Variants in DTNA observed in about 807,000 individuals in gnomAD.
DTNA encodes dystrobrevin alpha.
In DTNA, 43 loss-of-function variants were observed where a neutral mutation model predicts 100.7. The observed-to-expected ratio is 0.43, with a 90% CI of 0.33 to 0.55. The LOEUF is 0.55. DTNA is among the 20% of genes least tolerant of loss of function. The pLI, the probability that DTNA is intolerant of heterozygous loss-of-function variation, is 0.04. For missense variants in DTNA, 798 were observed against 953.9 expected, an observed-to-expected ratio of 0.84 and a Z score of 2.15; for synonymous variants, 349 against 347.9, an observed-to-expected ratio of 1.00 and a Z score of -0.04.
intron 1 of DTNA, among the ~76,000 whole-genome samples, chr18:34,716,294 G>A (rs1012555513): frequency 1.3e-5 from 2 of 152,154 alleles, no homozygotes; most frequent in African/African-American, 4.8e-5. Context: ...GGGCACCGTG[G>A]CTCACACCTG....
intron 18 of DTNA, among the ~76,000 whole-genome samples, chr18:34,876,845 CCTTCT>C (rs1336463259): frequency 2.0e-5 from 3 of 151,942 alleles, no homozygotes; most frequent in Admixed American, 6.6e-5. Flanking sequence ...AGAAAATATC[CCTTCT>C]CTTAATCATA....
intron 6 of DTNA, 132 bp downstream of exon 6, chr18:34,812,245 C>G: frequency 1.5e-6 from 2 of 1,332,700 alleles, no homozygotes; most frequent in Non-Finnish European, 2.1e-6. Flanking sequence ...ATTTTTCAGC[C>G]TCTGGCAAAT....
intron 2 of DTNA, among the ~76,000 whole-genome samples, chr18:34,763,540 G>GT (rs1467911692): frequency 6.6e-6 from 1 of 152,122 alleles, no homozygotes; most frequent in Non-Finnish European, 1.5e-5. Context: ...TTTCAAAGCA[G>GT]TTTTTTAATT....
chr18:34,766,971 G>A (rs999385408), intron 3 of DTNA, among the ~76,000 whole-genome samples: 3 of 151,888 alleles, frequency 2.0e-5, no homozygotes, highest in African/African-American at 4.8e-5. Context: ...TAGTAACAAT[G>A]AGCAGTCTTA....
intron 1 of DTNA, among the ~76,000 whole-genome samples, chr18:34,621,743 A>G (rs1335643021): frequency 3.3e-5 from 5 of 152,206 alleles, no homozygotes; most frequent in African/African-American, 7.2e-5. Flanking sequence ...CAAGAACTCT[A>G]TTGTACAACA....
intron 1 of DTNA, among the ~76,000 whole-genome samples, chr18:34,635,466 C>T (rs887766965): frequency 2.6e-5 from 4 of 152,132 alleles, no homozygotes; most frequent in African/African-American, 9.7e-5. Context: ...TACTAGCTTA[C>T]ATTGAACATG....
At chr18:34,575,179 G>A (rs766413934) in intron 1 of DTNA, among the ~76,000 whole-genome samples, 1 of 151,976 alleles carries the variant, frequency 6.6e-6, no homozygotes, top group Non-Finnish European at 1.5e-5. Context: ...TCCATCACTC[G>A]TTTCTTGTCA....
At chr18:34,690,453 G>C (rs1307253253) in intron 1 of DTNA, among the ~76,000 whole-genome samples, 2 of 152,136 alleles carry the variant, frequency 1.3e-5, no homozygotes, top group Non-Finnish European at 2.9e-5. Flanking sequence ...CTGGCCCTCT[G>C]TGGGCTATAC....
upstream of DTNA, chr18:34,709,649 G>C (rs1220587540): frequency 6.6e-6 from 1 of 152,170 alleles, no homozygotes; most frequent in Non-Finnish European, 1.5e-5. Context: ...AATATAGCCT[G>C]ATCGATTCCA....
chr18:34,599,060 T>G (rs1484736748), intron 1 of DTNA, among the ~76,000 whole-genome samples: 1 of 152,184 alleles, frequency 6.6e-6, no homozygotes, highest in African/African-American at 2.4e-5. Flanking sequence ...TATAAACTTT[T>G]TACACATTTA....
At chr18:34,879,834 T>C (rs546740003) in intron 20 of DTNA, 115 bp downstream of exon 20, 2 of 1,322,474 alleles carry the variant, frequency 1.5e-6, no homozygotes, top group East Asian at 2.5e-5. Context: ...AGGGGTGACA[T>C]AGTTTTCTGT....
chr18:34,825,385 T>G lies in DTNA; in HGVS notation c.1002-2208T>G. 1.2e-5 allele frequency: 16 copies of G among 1,354,826 alleles called. No homozygotes were observed. The South Asian group carries it at 1.9e-4, about 16-fold the overall frequency. 83.9% of individuals were successfully genotyped at this position (1,354,826 alleles called of 1,614,324 possible). A position where few individuals can be genotyped will look rare whatever the true frequency, so the allele number is the denominator to read the frequency against. Reference sequence around the variant, plus strand: ...AATATGAGGCTAGTTTAGAACTAAGTCTTCTTATGCTGTACACTCAGTTCA... The same window carrying G: ...AATATGAGGCTAGTTTAGAACTAAGGCTTCTTATGCTGTACACTCAGTTCA... On this transcript the variant is annotated intron_variant, in intron 9 of 22. Coordinates refer to ENST00000444659, the MANE Select transcript of DTNA (RefSeq NM_001386795.1).
intron 1 of DTNA, among the ~76,000 whole-genome samples, chr18:34,504,601 T>C (rs1308141958): frequency 1.3e-5 from 2 of 152,232 alleles, no homozygotes; most frequent in African/African-American, 4.8e-5. Flanking sequence ...GGATTTTCAC[T>C]GGACATAAGA....
chr18:34,717,411 A>G (rs1489678082), intron 1 of DTNA, among the ~76,000 whole-genome samples: 1 of 152,198 alleles, frequency 6.6e-6, no homozygotes, highest in Non-Finnish European at 1.5e-5. Context: ...GAAGGTGAGT[A>G]TTCTTTGTGC....
At chr18:34,572,442 G>A (rs2047681132) in intron 1 of DTNA, among the ~76,000 whole-genome samples, 1 of 152,114 alleles carries the variant, frequency 6.6e-6, no homozygotes. Flanking sequence ...AGCTCATTTA[G>A]TATTCACCAC....
rs575961215 is a variant in DTNA at position 34,843,035 on chromosome 18, CTGTTGATAT to C, written c.1346+4202_1346+4210del. Among the ~76,000 whole-genome samples, 32 of 152,238 alleles carry C rather than the reference CTGTTGATAT, an allele frequency of 2.1e-4. No homozygotes were observed. In the East Asian group the frequency reaches 6.2e-3, roughly 29 times the overall value. On this transcript the variant is annotated intron_variant, in intron 13 of 22. Coordinates refer to ENST00000444659, the MANE Select transcript of DTNA (RefSeq NM_001386795.1). ...CACATAGTAGGTGCTCAATAAACATCTGTTGATATTGTAGAATATCAGTAGTGCAGTAGC... is the reference window on the plus strand; with the variant it reads ...CACATAGTAGGTGCTCAATAAACATCTGTAGAATATCAGTAGTGCAGTAGC...
chr18:34,890,527 T>C lies in DTNA; in HGVS notation c.*2793T>C. ...TGTTTCTTTCTTGTTCCACAATGAA[T>C]TGCACATCCATCTCCATCAGAGCTG... On this transcript the variant is annotated 3_prime_UTR_variant, in exon 23 of 23. Transcript: ENST00000444659. 1 of 1,521,278 alleles carries C rather than the reference T, an allele frequency of 6.6e-7. No homozygotes were observed. Among genetic ancestry groups the C allele is most frequent in the South Asian group, 1.2e-5 (1 of 82,706 alleles). 94.2% of individuals were successfully genotyped at this position (1,521,278 alleles called of 1,614,324 possible). A position where few individuals can be genotyped will look rare whatever the true frequency, so the allele number is the denominator to read the frequency against.
chr18:34,701,038 C>G (rs1204258945), intron 1 of DTNA, among the ~76,000 whole-genome samples: 1 of 152,152 alleles, frequency 6.6e-6, no homozygotes, highest in Non-Finnish European at 1.5e-5. Context: ...GCCATTTTCT[C>G]TCTCACATGC....
At chr18:34,526,748 A>G (rs1490410170) in intron 1 of DTNA, among the ~76,000 whole-genome samples, 1 of 152,096 alleles carries the variant, frequency 6.6e-6, no homozygotes, top group African/African-American at 2.4e-5. Context: ...TTAAGAATGC[A>G]TGATTTGTGT....
Sources: gnomAD v4.1 joint callset for allele counts (sites outside exome capture counted in the v4.1 genomes callset) on GRCh38, gnomAD v4.1.1 for gene constraint, MANE v1.5 for transcripts, NCBI Gene and HGNC (gene_info 2026-07-23, HGNC 2026-07-21) for gene names.